The following ARMC3 variants were observed in gnomAD, a reference collection of about 807,000 sequenced individuals.
The protein encoded by ARMC3 is armadillo repeat containing 3, also known as armadillo repeat-containing protein 3.
In ARMC3, 74 loss-of-function variants were observed where a neutral mutation model predicts 90.3. That is an observed-to-expected ratio of 0.82 (90% CI 0.68 to 0.99). The LOEUF (loss-of-function observed/expected upper bound fraction) is 0.99. Ranked by LOEUF, ARMC3 falls within the 50% of genes least tolerant of loss-of-function variation. ARMC3 has a pLI of 0.00. For missense variants in ARMC3, 958 were observed against 1,042.8 expected (o/e 0.92, Z 1.12); for synonymous variants, 334 against 361.8 (o/e 0.92, Z 0.87).
Position 23,002,060 on chromosome 10 carries a change from G to A in ARMC3, c.1562+5G>A. On this transcript the variant is annotated splice_donor_5th_base_variant and intron_variant, in intron 12 of 18. Coordinates refer to ENST00000298032, the MANE Select transcript of ARMC3 (RefSeq NM_173081.5). ...CAATGAATTATGCAGGCTCGGGTGA[G>A]TGGATGCCATCTCAAGTTTCTGGCT... The A allele has an allele frequency of 6.2e-7, 1 of 1,612,774 alleles. No homozygotes were observed. The highest frequency in any genetic ancestry group is 8.5e-7 in the Non-Finnish European group (1 of 1,179,458).
chr10:22,953,606 C>G (rs576820792), intron 3 of ARMC3, among the ~76,000 whole-genome samples: 1 of 151,662 alleles, frequency 6.6e-6, no homozygotes, highest in East Asian at 1.9e-4. Context: ...ATGCTTTTCC[C>G]CTAAGATCAG....
chr10:23,022,353 A>G (rs1838545326), intron 16 of ARMC3, among the ~76,000 whole-genome samples: 1 of 152,214 alleles, frequency 6.6e-6, no homozygotes, highest in Non-Finnish European at 1.5e-5. Context: ...GACTTCCTGC[A>G]GATCAAGTTG....
At position 23,023,268 on chromosome 10, in the gene ARMC3, A is replaced by G. The variant is rs182789685; in HGVS notation, c.2046-7328A>G. On this transcript the variant is annotated intron_variant, in intron 16 of 18. Coordinates refer to ENST00000298032, the MANE Select transcript of ARMC3 (RefSeq NM_173081.5). ...CCAGCAGCCTAGTTAAACCAAGCAG[A>G]AAAACACGTACACTCACTGAAAGTC... is the stretch of plus-strand genomic sequence containing the variant. 1.0e-3 allele frequency among the ~76,000 whole-genome samples: 158 copies of G among 152,312 alleles called. 2 individuals are homozygous for G. The highest frequency in any genetic ancestry group is 2.9e-3 in the Admixed American group (45 of 15,298).
chr10:23,028,357 T>C (rs1838800127), intron 16 of ARMC3, among the ~76,000 whole-genome samples: 1 of 103,602 alleles, frequency 9.7e-6, no homozygotes, highest in African/African-American at 2.7e-5. Context: ...ATTTCTAAGA[T>C]TTTTATACTT....
rs1239758670 is a variant in ARMC3, at chr10:22,951,946, T to C, written c.167-3861T>C. Among the ~76,000 whole-genome samples, 4 of 152,050 alleles carry C rather than the reference T, an allele frequency of 2.6e-5. 1 individual carries two copies. Among genetic ancestry groups the C allele is most frequent in the South Asian group, 4.2e-4 (2 of 4,818 alleles). On this transcript the variant is annotated intron_variant, in intron 3 of 18. Transcript: ENST00000298032. ...GAGACTGAGACCATACTAGCCAACA[T>C]GGTGAAACCCTGTCTCTACCAAAAT...
chr10:22,967,884 T>G (rs569171808), intron 7 of ARMC3, among the ~76,000 whole-genome samples: 3 of 152,352 alleles, frequency 2.0e-5, no homozygotes, highest in East Asian at 3.9e-4. Flanking sequence ...TCAGTAGATT[T>G]CCTCAGGCAA....
intron 1 of ARMC3, 123 bp from the exon 2 acceptor site, chr10:22,931,873 T>G: frequency 1.4e-6 from 1 of 724,242 alleles, no homozygotes. Context: ...TTTTTACATG[T>G]ATTGCATTGT....
chr10:23,034,589 A>G (rs1217090368), intron 18 of ARMC3, among the ~76,000 whole-genome samples: 1 of 152,162 alleles, frequency 6.6e-6, no homozygotes, highest in Non-Finnish European at 1.5e-5. Context: ...TTCCTGGTCA[A>G]AATTCTGAGT....
chr10:22,982,628 C>G (rs1208062195), intron 10 of ARMC3, among the ~76,000 whole-genome samples: 1 of 152,196 alleles, frequency 6.6e-6, no homozygotes, highest in Non-Finnish European at 1.5e-5. Flanking sequence ...ACTCCAAAGT[C>G]TGTGTTCTTT....
rs150832644 is a variant in ARMC3 at position 23,019,338 on chromosome 10, A to G, written c.2045+10407A>G. ...ATACAATTTGTGTAGAAGTAAAATC[A>G]TAACTCTCATGTAAATATAAAGTGA... is the stretch of plus-strand genomic sequence containing the variant. On this transcript the variant is annotated intron_variant, in intron 16 of 18. Transcript: ENST00000298032. 7.4e-3 allele frequency among the ~76,000 whole-genome samples: 1,132 copies of G among 152,306 alleles called. 9 individuals carry two copies. The highest frequency in any genetic ancestry group is 0.026 in the African/African-American group (1,087 of 41,566).
intron 6 of ARMC3, 52 bp from the exon 7 acceptor site, chr10:22,961,832 T>G: frequency 1.4e-6 from 2 of 1,405,214 alleles, no homozygotes; most frequent in Non-Finnish European, 1.9e-6. Flanking sequence ...TCTCCATTCT[T>G]GAGGATGTAT....
At chr10:22,985,013 C>T (rs1024957457) in intron 10 of ARMC3, among the ~76,000 whole-genome samples, 23 of 148,558 alleles carry the variant, frequency 1.5e-4, no homozygotes, top group Non-Finnish European at 3.4e-4. Context: ...GCTGAGATTA[C>T]AGGCATGCAC....
At chr10:22,962,674 T>C (rs920686513) in intron 7 of ARMC3, among the ~76,000 whole-genome samples, 1 of 152,226 alleles carries the variant, frequency 6.6e-6, no homozygotes, top group African/African-American at 2.4e-5. Flanking sequence ...CAATTAATTC[T>C]AATAACAGAA....
chr10:22,958,216 CCTGT>C (rs1362074471), intron 4 of ARMC3, among the ~76,000 whole-genome samples: 1 of 152,242 alleles, frequency 6.6e-6, no homozygotes, highest in Middle Eastern at 3.4e-3. Flanking sequence ...CACAGGCATA[CCTGT>C]CTAACTTTAA....
At chr10:23,000,796 C>T in intron 11 of ARMC3, among the ~76,000 whole-genome samples, 1 of 152,192 alleles carries the variant, frequency 6.6e-6, no homozygotes, top group Non-Finnish European at 1.5e-5. Context: ...AGAGATTCCA[C>T]AGGGATCCTG....
chr10:22,960,730 A>G (rs1835153594), intron 6 of ARMC3: 1 of 152,236 alleles, frequency 6.6e-6, no homozygotes, highest in Non-Finnish European at 1.5e-5. Context: ...AGTACTACAA[A>G]CTAGGTGGCT....
chr10:22,972,755 A>C (rs1835730680), intron 8 of ARMC3, among the ~76,000 whole-genome samples: 1 of 151,892 alleles, frequency 6.6e-6, no homozygotes, highest in African/African-American at 2.4e-5. Flanking sequence ...TGTTTATTAT[A>C]CCCTCCTTGA....
rs766229580 is a variant in ARMC3 at position 22,969,368 on chromosome 10, C to T, written c.916+879C>T. On this transcript the variant is annotated intron_variant, in intron 8 of 18. Transcript: ENST00000298032. ...ATGTGATCTTATTTTTCCCCTTCTGCACCACTTTTAGAAATGATGACAGCA... is the reference window on the plus strand; with the variant it reads ...ATGTGATCTTATTTTTCCCCTTCTGTACCACTTTTAGAAATGATGACAGCA... Among the ~76,000 whole-genome samples the T allele has an allele frequency of 2.0e-4, 30 of 152,282 alleles. No individual in the cohort carries two copies. In the East Asian group the frequency reaches 5.8e-3, roughly 29 times the overall value.
At position 23,037,271 on chromosome 10, in the gene ARMC3, C is replaced by T. The variant is rs755171941; in HGVS notation, c.2411C>T (p.Ala804Val). 1 of 1,586,676 alleles carries T rather than the reference C, an allele frequency of 6.3e-7. No individual in the cohort carries two copies. The highest frequency in any genetic ancestry group is 1.7e-5 in the Admixed American group (1 of 58,972). Residue 804 changes from alanine (A) to valine (V), a missense_variant and splice_region_variant, in exon 19 of 19, where the codon GCT (alanine) becomes GTT (valine). Transcript: ENST00000298032. ...IFYHRALLFK[A>V]LADRIGIGCS... is the part of the protein sequence containing the mutation. ...TTGATCTCTTGTTTTCTCCTGCAGG[C>T]TCTGGCTGATAGAATTGGCATTGGT... is the stretch of plus-strand genomic sequence containing the variant.
Sources: allele counts gnomAD v4.1 joint callset (sites outside exome capture counted in the v4.1 genomes callset), GRCh38; gene constraint gnomAD v4.1.1; transcripts MANE v1.5; gene names NCBI Gene and HGNC (gene_info 2026-07-23, HGNC 2026-07-21).